CHRNB4: variants seen among roughly 807,000 people sequenced by gnomAD.
The protein encoded by CHRNB4 is neuronal acetylcholine receptor subunit beta-4.
In CHRNB4, 23 loss-of-function variants were observed where a neutral mutation model predicts 40.4. The ratio of observed to expected loss-of-function variants is 0.57; its 90% CI spans 0.41 to 0.81. CHRNB4 has a LOEUF of 0.81. Ranked by LOEUF, CHRNB4 falls within the 30% of genes least tolerant of loss-of-function variation. The pLI, the probability that CHRNB4 is intolerant of heterozygous loss-of-function variation, is 0.00. For synonymous variants in CHRNB4, 285 were observed against 274.4 expected (o/e 1.04, Z -0.38); for missense variants, 568 against 670.6 (o/e 0.85, Z 1.69).
intron 2 of CHRNB4, among the ~76,000 whole-genome samples, chr15:78,632,112 G>A (rs934395209): frequency 2.4e-4 from 37 of 151,710 alleles, no homozygotes; most frequent in Non-Finnish European, 1.8e-4. Flanking sequence ...ATAGCACCTC[G>A]GTCCCTGCCC....
intron 2 of CHRNB4, among the ~76,000 whole-genome samples, chr15:78,631,959 G>T (rs1199514300): frequency 6.6e-6 from 1 of 152,000 alleles, no homozygotes; most frequent in African/African-American, 2.4e-5. Context: ...TCCGCCATTT[G>T]CTCATTCCAC....
At chr15:78,652,895 G>A (rs919211509) in intron 5 of CHRNB4, among the ~76,000 whole-genome samples, 4 of 152,166 alleles carry the variant, frequency 2.6e-5, no homozygotes, top group Non-Finnish European at 5.9e-5. Context: ...GTGGTGGAAT[G>A]GGAGAAATTA....
intron 5 of CHRNB4, among the ~76,000 whole-genome samples, chr15:78,628,384 C>T (rs1457563825): frequency 6.6e-6 from 1 of 152,188 alleles, no homozygotes; most frequent in African/African-American, 2.4e-5. Context: ...TCCCAGCCTT[C>T]CATTTCTGGC....
chr15:78,641,218 G>A (rs930840470), upstream of CHRNB4: 4 of 1,256,164 alleles, frequency 3.2e-6, no homozygotes, highest in East Asian at 9.2e-5. Flanking sequence ...AGTGAGCGCC[G>A]GTCCTGGCCC....
intron 5 of CHRNB4, chr15:78,626,379 TG>T (rs1567108176): frequency 0.04 from 3,273 of 82,756 alleles, 135 homozygotes; most frequent in East Asian, 0.27. Context: ...TGTGTGTGTG[TG>T]TGTGTTTCCC....
Position 78,634,749 on chromosome 15 carries a change from G to C in CHRNB4, c.204+690C>G, listed in dbSNP as rs1345521782. 3 of 455,942 alleles carry C rather than the reference G, an allele frequency of 6.6e-6. No homozygotes were observed. The Admixed American group carries it at 7.1e-5, about 11-fold the overall frequency. 28.2% of individuals were successfully genotyped at this position (455,942 alleles called of 1,614,324 possible). ...GGACGGAGTTCTAACCCTGTGGATG[G>C]GGACATGGGAAGGTTTACAATAGGC... On this transcript the variant is annotated intron_variant, in intron 2 of 5. Transcript: ENST00000261751.
intron 1 of CHRNB4, among the ~76,000 whole-genome samples, 188 bp downstream of exon 1, chr15:78,640,891 C>A (rs1253685952): frequency 1.3e-5 from 2 of 152,220 alleles, no homozygotes; most frequent in Non-Finnish European, 2.9e-5. Flanking sequence ...GGCAGACCCA[C>A]CCACGCAGGC....
At chr15:78,638,245 T>G (rs1183415102) in intron 1 of CHRNB4, among the ~76,000 whole-genome samples, 1 of 152,232 alleles carries the variant, frequency 6.6e-6, no homozygotes, top group Non-Finnish European at 1.5e-5. Context: ...TGTGCCCGGG[T>G]GGCTCACCTT....
Position 78,624,689 on chromosome 15 carries a change from T to C in CHRNB4, c.*444A>G, listed in dbSNP as rs1411288132. On this transcript the variant is annotated 3_prime_UTR_variant, in exon 6 of 6. Coordinates refer to ENST00000261751, the MANE Select transcript of CHRNB4 (RefSeq NM_000750.5). ...GCCTGGGCGATATAGCAAGACTCCG[T>C]TTAAAAGAAAAAAAAAAAGATGATG... The C allele has an allele frequency of 1.4e-5, 5 of 349,614 alleles. No individual in the cohort carries two copies. The highest frequency in any genetic ancestry group is 9.2e-5 in the Admixed American group (2 of 21,680). The allele number at this position is 349,614 out of a possible 1,614,324, so 21.7% of individuals were successfully genotyped here.
intron 4 of CHRNB4, among the ~76,000 whole-genome samples, chr15:78,655,895 T>A (rs990424535): frequency 2.0e-5 from 3 of 152,204 alleles, no homozygotes; most frequent in Non-Finnish European, 4.4e-5. Context: ...TTTATTTAGT[T>A]CCTCTTCAAT....
In CHRNB4 at chr15:78,641,007, C is replaced by T. The variant is rs897821062; in HGVS notation, c.55+72G>A. 5.4e-6 allele frequency: 8 copies of T among 1,494,968 alleles called. No homozygotes were observed. The African/African-American group carries it at 8.5e-5, about 16-fold the overall frequency. The allele number at this position is 1,494,968 out of a possible 1,614,324, so 92.6% of individuals were successfully genotyped here. A position where few individuals can be genotyped will look rare whatever the true frequency, so the allele number is the denominator to read the frequency against. ...GGCGCAGGGCACCCTCCCTTCCCTC[C>T]CACCTGTGGCCAGTCCAGCCCCTTT... On this transcript the variant is annotated intron_variant, in intron 1 of 5. Coordinates refer to ENST00000261751, the MANE Select transcript of CHRNB4 (RefSeq NM_000750.5).
chr15:78,629,262 T>C lies in CHRNB4; in HGVS notation c.1043A>G (p.Lys348Arg). The C allele has an allele frequency of 6.2e-7, 1 of 1,613,254 alleles. No homozygotes were observed. Among genetic ancestry groups the C allele is most frequent in the Non-Finnish European group, 8.5e-7 (1 of 1,179,488 alleles). ...CGGGCTGCTGTCGGGGCCAGGGCGC[T>C]TCATGAAGAGGAAGGTAGGCAGCTT... is the stretch of plus-strand genomic sequence containing the variant. ...LHKLPTFLFM[K>R]RPGPDSSPAR... The change falls in exon 5 of 6, where the codon AAG becomes AGG. Residue 348 changes from lysine to arginine, a missense_variant. By Grantham distance (26) the Lys-to-Arg change is conservative (BLOSUM62 2). Transcript: ENST00000261751. The surrounding 1 kb of genome is among the most constrained non-coding windows in gnomAD (Gnocchi z 6.8).
At chr15:78,640,296 G>T (rs2054042065) in intron 1 of CHRNB4, among the ~76,000 whole-genome samples, 1 of 152,148 alleles carries the variant, frequency 6.6e-6, no homozygotes, top group Non-Finnish European at 1.5e-5. Flanking sequence ...GAATTCAGGT[G>T]GGGAAACTGA....
exon 4 of CHRNB4, chr15:78,656,632 T>C (rs2054216261): frequency 6.6e-6 from 1 of 152,164 alleles, no homozygotes; most frequent in African/African-American, 2.4e-5. Context: ...CACCCAGATA[T>C]ACAGGGAATT....
At chr15:78,643,548 C>G (rs899826425), upstream of CHRNB4, among the ~76,000 whole-genome samples, 4 of 152,096 alleles carry the variant, frequency 2.6e-5, no homozygotes, top group African/African-American at 9.7e-5. Context: ...AGGTCCTAGG[C>G]AATGTGTTAG....
At chr15:78,642,207 AAGC>A (rs919811108), upstream of CHRNB4, among the ~76,000 whole-genome samples, 228 of 152,322 alleles carry the variant, frequency 1.5e-3, 2 homozygotes, top group African/African-American at 5.0e-3. Context: ...TGGTCTTTAA[AAGC>A]AACAACAACA....
intron 4 of CHRNB4, among the ~76,000 whole-genome samples, chr15:78,630,668 G>A (rs575170059): frequency 2.0e-5 from 3 of 152,330 alleles, no homozygotes; most frequent in East Asian, 1.9e-4. Context: ...TACTGCTGGT[G>A]TAATCACGAC....
At chr15:78,648,773 A>T (rs1225727941) in intron 7 of CHRNB4, among the ~76,000 whole-genome samples, 3 of 145,966 alleles carry the variant, frequency 2.1e-5, no homozygotes, top group Non-Finnish European at 4.4e-5. Context: ...AAAAAAAAAA[A>T]AGTAGATATC....
In CHRNB4 at chr15:78,658,028, CTTTTTTTT is replaced by C. The variant is rs71448810; in HGVS notation, c.-761+244_-761+251del. Among the ~76,000 whole-genome samples the C allele has an allele frequency of 3.9e-3, 351 of 90,554 alleles. 4 individuals are homozygous for C. The East Asian group carries it at 0.051, about 13-fold the overall frequency. The allele number at this position is 90,554 out of a possible 152,430, so 59.4% of individuals were successfully genotyped here. ...CTCACAATGACTGTCTCTTGTTTCTCTTTTTTTTTTTTTTTTTTTTTTGAGAAGGAGTC... is the reference window on the plus strand; with the variant it reads ...CTCACAATGACTGTCTCTTGTTTCTCTTTTTTTTTTTTTTGAGAAGGAGTC... On this transcript the variant is annotated intron_variant and NMD_transcript_variant, in intron 2 of 11. Coordinates refer to the CHRNB4 transcript ENST00000559849.
Sources: gnomAD v4.1 joint callset for allele counts (sites outside exome capture counted in the v4.1 genomes callset) on GRCh38, gnomAD v4.1.1 for gene constraint, Gnocchi (gnomAD v3.1) non-coding constraint, MANE v1.5 for transcripts, NCBI Gene and HGNC (gene_info 2026-07-23, HGNC 2026-07-21) for gene names.